HECTD2: variants seen among roughly 807,000 people sequenced by gnomAD.
The protein encoded by HECTD2 is HECT domain E3 ubiquitin protein ligase 2.
A neutral mutation model predicts 103.2 loss-of-function variants in HECTD2; 35 were observed. The ratio of observed to expected loss-of-function variants is 0.34; its 90% CI spans 0.26 to 0.45. HECTD2 has a LOEUF of 0.45. Ranked by LOEUF, HECTD2 falls within the 20% of genes least tolerant of loss-of-function variation. HECTD2 has a pLI of 1.00. For missense variants in HECTD2, 596 were observed against 937.4 expected (o/e 0.64, Z 4.76); for synonymous variants, 281 against 329.9 (o/e 0.85, Z 1.61).
intron 5 of HECTD2, among the ~76,000 whole-genome samples, chr10:91,475,214 C>T (rs1845860716): frequency 6.6e-6 from 1 of 152,090 alleles, no homozygotes; most frequent in Non-Finnish European, 1.5e-5. Context: ...GTTAGGAAGG[C>T]CTTGTAGTAG....
At chr10:91,416,810 A>G (rs1387331233) in intron 1 of HECTD2, among the ~76,000 whole-genome samples, 1 of 152,092 alleles carries the variant, frequency 6.6e-6, no homozygotes, top group Non-Finnish European at 1.5e-5. Flanking sequence ...CTTTGCCTTT[A>G]TAAACCTCCA....
rs1432382841 is a variant in HECTD2, at chr10:91,487,734, A to G, written c.1147A>G (p.Ile383Val). Residue 383 changes from isoleucine to valine, a missense_variant, in exon 11 of 21, where the codon ATT (isoleucine) becomes GTT (valine). This residue lies in a region of HECTD2 where 303 missense variants were observed against 522.5 expected (regional missense o/e 0.58). Transcript: ENST00000298068. The surrounding 1 kb of genome is among the most constrained non-coding windows in gnomAD (Gnocchi z 4.1). ...FVISVAAKKI[I>V]IQRDSEQQMI... Reference sequence around the variant, plus strand: ...TATTTCTGTAGCTGCAAAAAAAATCATTATTCAGAGAGACTCAGAGCAACA... The same window carrying G: ...TATTTCTGTAGCTGCAAAAAAAATCGTTATTCAGAGAGACTCAGAGCAACA... The G allele has an allele frequency of 6.2e-7, 1 of 1,612,514 alleles. No homozygotes were observed. Among genetic ancestry groups the G allele is most frequent in the Admixed American group, 1.7e-5 (1 of 59,948 alleles).
intron 15 of HECTD2, among the ~76,000 whole-genome samples, chr10:91,497,700 G>C (rs979347610): frequency 2.6e-5 from 4 of 152,094 alleles, no homozygotes; most frequent in Admixed American, 2.0e-4. Context: ...GAATGCACAT[G>C]AATGAACTGT....
chr10:91,441,912 T>A (rs1844408994), intron 2 of HECTD2, among the ~76,000 whole-genome samples: 2 of 133,666 alleles, frequency 1.5e-5, no homozygotes, highest in African/African-American at 3.4e-5. Flanking sequence ...TTTTTTCTTT[T>A]TTTTTTGCTT....
chr10:91,481,310 T>A lies in HECTD2; in HGVS notation c.711+171T>A, dbSNP rs1440410442. ...TTTTTTTAAAGTAGGATTAATAAGA[T>A]TAAAAGATAAGTAAGATTTTAAAAA... On this transcript the variant is annotated intron_variant, in intron 7 of 20. Transcript: ENST00000298068. Among the ~76,000 whole-genome samples the A allele has an allele frequency of 2.6e-5, 4 of 151,734 alleles. No individual in the cohort carries two copies. In the East Asian group the frequency reaches 7.7e-4, roughly 29 times the overall value.
At chr10:91,445,988 GA>G (rs1844596903) in intron 2 of HECTD2, among the ~76,000 whole-genome samples, 2 of 152,024 alleles carry the variant, frequency 1.3e-5, no homozygotes, top group African/African-American at 4.8e-5. Context: ...CTTGCTGCAG[GA>G]ATTTTTTTTT....
Position 91,461,250 on chromosome 10 carries a change from T to C in HECTD2, c.408-4T>C, listed in dbSNP as rs1352327546. ...TATATACGGTTAATGTGTTTTCATT[T>C]TAGGGAAGATGTAGAAAAAGTTAAG... On this transcript the variant is annotated splice_region_variant and splice_polypyrimidine_tract_variant and intron_variant, in intron 3 of 20. Coordinates refer to ENST00000298068, the MANE Select transcript of HECTD2 (RefSeq NM_182765.6). 7.4e-7 allele frequency: 1 copy of C among 1,359,584 alleles called. No homozygotes were observed. The allele number at this position is 1,359,584 out of a possible 1,614,324, so 84.2% of individuals were successfully genotyped here. A position where few individuals can be genotyped will look rare whatever the true frequency, so the allele number is the denominator to read the frequency against.
intron 2 of HECTD2, among the ~76,000 whole-genome samples, chr10:91,458,037 A>AAAAC (rs140899600): frequency 4.0e-5 from 6 of 148,242 alleles, no homozygotes; most frequent in African/African-American, 1.3e-4. Flanking sequence ...AAAAAAAAAA[A>AAAAC]CCCATGAAAT....
intron 5 of HECTD2, among the ~76,000 whole-genome samples, chr10:91,476,674 T>C (rs755454672): frequency 2.6e-5 from 4 of 152,186 alleles, no homozygotes; most frequent in Non-Finnish European, 5.9e-5. Flanking sequence ...GCTTGCCCTA[T>C]CCTGTTGCTG....
At chr10:91,506,310 C>T (rs1342571806) in intron 20 of HECTD2, among the ~76,000 whole-genome samples, 3 of 151,592 alleles carry the variant, frequency 2.0e-5, no homozygotes, top group East Asian at 1.9e-4. Context: ...ACAGAAAACC[C>T]TTCAATAAAC....
chr10:91,466,238 C>G (rs1845528001), intron 5 of HECTD2, among the ~76,000 whole-genome samples: 1 of 152,042 alleles, frequency 6.6e-6, no homozygotes, highest in Admixed American at 6.5e-5. Flanking sequence ...CATAAATTAT[C>G]CTTTTAATGT....
At chr10:91,431,467 C>T (rs1843863863) in intron 2 of HECTD2, among the ~76,000 whole-genome samples, 1 of 152,098 alleles carries the variant, frequency 6.6e-6, no homozygotes, top group South Asian at 2.1e-4. Context: ...TAATATCCTG[C>T]AGAGTGTTTT....
chr10:91,428,433 T>C (rs1216747847), intron 2 of HECTD2, among the ~76,000 whole-genome samples: 2 of 152,040 alleles, frequency 1.3e-5, no homozygotes, highest in East Asian at 1.9e-4. Flanking sequence ...GGTAGCTTGA[T>C]GGTGATGGCA....
Position 91,512,308 on chromosome 10 carries a change from C to A in HECTD2, c.2255C>A (p.Pro752His). 1.2e-6 allele frequency: 2 copies of A among 1,613,568 alleles called. No homozygotes were observed. The highest frequency in any genetic ancestry group is 1.7e-6 in the Non-Finnish European group (2 of 1,179,722). Residue 752 changes from proline to histidine, a missense_variant, in exon 21 of 21, where the codon CCC becomes CAC. Transcript: ENST00000298068. ...TGCTTCAATCAACTTTGCCTTCCCC[C>A]CTACAAGAGCAAAAAGGATCTGAAA... ...HTCFNQLCLP[P>H]YKSKKDLKQK...
At chr10:91,454,527 A>G (rs1844982221) in intron 2 of HECTD2, among the ~76,000 whole-genome samples, 1 of 152,064 alleles carries the variant, frequency 6.6e-6, no homozygotes. Context: ...CAGTGCTGAG[A>G]GGGAAATTTA....
At chr10:91,417,147 T>G (rs1427245741) in intron 1 of HECTD2, among the ~76,000 whole-genome samples, 1 of 152,158 alleles carries the variant, frequency 6.6e-6, no homozygotes, top group African/African-American at 2.4e-5. Flanking sequence ...TTTTCTCCTT[T>G]TTTTATAGTT....
intron 2 of HECTD2, among the ~76,000 whole-genome samples, chr10:91,435,610 T>G (rs1323733350): frequency 6.6e-6 from 1 of 152,020 alleles, no homozygotes; most frequent in Non-Finnish European, 1.5e-5. Context: ...TGATTCCTGT[T>G]CCTTTGAATC....
At position 91,410,596 on chromosome 10, in the gene HECTD2, C is replaced by A; in HGVS notation, c.138+20C>A. 1 of 1,215,218 alleles carries A rather than the reference C, an allele frequency of 8.2e-7. No individual in the cohort carries two copies. Among genetic ancestry groups the A allele is most frequent in the East Asian group, 3.6e-5 (1 of 28,056 alleles). The allele number at this position is 1,215,218 out of a possible 1,614,324, so 75.3% of individuals were successfully genotyped here. On this transcript the variant is annotated intron_variant, in intron 1 of 20. Transcript: ENST00000298068. ...ACCGCGGTAGGTGGTGGGCCGGGGCCGTCTGGCGCCCCGGACGGCGGGAGT... is the reference window on the plus strand; with the variant it reads ...ACCGCGGTAGGTGGTGGGCCGGGGCAGTCTGGCGCCCCGGACGGCGGGAGT...
chr10:91,482,915 C>T, intron 7 of HECTD2, 52 bp from the exon 8 acceptor site: 2 of 806,744 alleles, frequency 2.5e-6, no homozygotes, highest in Non-Finnish European at 4.0e-6. Context: ...AGTGTCTTTC[C>T]TTTTACGTGT....
Sources: allele counts gnomAD v4.1 joint callset (sites outside exome capture counted in the v4.1 genomes callset), GRCh38; gene constraint gnomAD v4.1.1; regional missense constraint gnomAD v4.1.1; non-coding constraint Gnocchi (gnomAD v3.1); transcripts MANE v1.5; gene names NCBI Gene and HGNC (gene_info 2026-07-23, HGNC 2026-07-21).